KCND3: variants seen among roughly 807,000 people sequenced by gnomAD.
KCND3 encodes A-type voltage-gated potassium channel KCND3.
A neutral mutation model predicts 51.1 loss-of-function variants in KCND3; 9 were observed. The observed-to-expected ratio is 0.18, with a 90% CI of 0.11 to 0.31. KCND3 has a LOEUF of 0.31. Ranked by LOEUF, KCND3 falls within the 10% of genes least tolerant of loss-of-function variation. The pLI is 1.00. For synonymous variants in KCND3, 349 were observed against 368.0 expected (o/e 0.95, Z 0.59); for missense variants, 526 against 903.8 (o/e 0.58, Z 5.36).
At chr1:111,932,432 G>A (rs139328977) in intron 2 of KCND3, among the ~76,000 whole-genome samples, 50 of 152,284 alleles carry the variant, frequency 3.3e-4, no homozygotes, top group African/African-American at 1.2e-3. Context: ...GTGGCATTAA[G>A]TGCATTCACA....
chr1:111,888,580 G>C (rs1201563273), intron 2 of KCND3, among the ~76,000 whole-genome samples: 1 of 151,704 alleles, frequency 6.6e-6, no homozygotes, highest in Non-Finnish European at 1.5e-5. Flanking sequence ...TACTCGGGAG[G>C]CTGAGGAAGG....
chr1:111,859,203 G>A (rs1668226132), intron 2 of KCND3, among the ~76,000 whole-genome samples: 1 of 152,232 alleles, frequency 6.6e-6, no homozygotes, highest in African/African-American at 2.4e-5. Flanking sequence ...CTATGTGTCA[G>A]GCTCCTGCTG....
At chr1:111,940,098 T>G (rs1672439131) in intron 2 of KCND3, among the ~76,000 whole-genome samples, 2 of 131,308 alleles carry the variant, frequency 1.5e-5, no homozygotes, top group South Asian at 2.4e-4. Context: ...TTTTTTTTTG[T>G]AAGTTCCTTG....
At chr1:111,851,696 ATTC>A (rs1056020296) in intron 2 of KCND3, among the ~76,000 whole-genome samples, 1 of 152,184 alleles carries the variant, frequency 6.6e-6, no homozygotes. Context: ...CCTGTTCCTC[ATTC>A]TTCTTGTATT....
intron 2 of KCND3, among the ~76,000 whole-genome samples, chr1:111,968,459 C>T (rs560226049): frequency 1.2e-4 from 19 of 152,316 alleles, no homozygotes; most frequent in East Asian, 1.9e-4. Context: ...ACAGCTACAA[C>T]GTCAGAAGAG....
chr1:111,982,214 C>A lies in KCND3; in HGVS notation c.513G>T (p.Arg171=). 6.2e-7 allele frequency: 1 copy of A among 1,614,042 alleles called. No homozygotes were observed. The highest frequency in any genetic ancestry group is 1.1e-5 in the South Asian group (1 of 91,076). ...TGCTGGTGTGGGGGTTCTCGAAGGC[C>A]CGCCACATGGTCTGGCGGAAGCTGA... ...PSLSFRQTMW[R]AFENPHTSTL... is the part of the protein sequence containing the mutation. Residue 171 remains arginine (R), a synonymous_variant, in exon 2 of 8, where the codon CGG becomes CGT. Coordinates refer to ENST00000302127, the MANE Select transcript of KCND3 (RefSeq NM_001378969.1). The surrounding 1 kb of genome is among the most constrained non-coding windows in gnomAD (Gnocchi z 8.5).
At chr1:111,909,880 G>A (rs182536741) in intron 2 of KCND3, 17 of 152,216 alleles carry the variant, frequency 1.1e-4, no homozygotes, top group Admixed American at 3.3e-4. Context: ...GCATGCCCAC[G>A]TGCCCACCTC....
chr1:111,799,810 C>A (rs535440298), intron 2 of KCND3, among the ~76,000 whole-genome samples: 5 of 152,162 alleles, frequency 3.3e-5, no homozygotes, highest in Non-Finnish European at 4.4e-5. Context: ...TAAAACGAGA[C>A]GGAGATGGAA....
At chr1:111,885,863 G>A (rs1669548381) in intron 2 of KCND3, among the ~76,000 whole-genome samples, 1 of 151,960 alleles carries the variant, frequency 6.6e-6, no homozygotes, top group Non-Finnish European at 1.5e-5. Flanking sequence ...AGTAGAGATG[G>A]GGTTTCACCA....
intron 2 of KCND3, among the ~76,000 whole-genome samples, chr1:111,979,637 C>T (rs1674830128): frequency 6.6e-6 from 1 of 152,166 alleles, no homozygotes; most frequent in African/African-American, 2.4e-5. Flanking sequence ...ATTAGTTCTG[C>T]TCCTTATCAG....
At chr1:111,846,897 C>T (rs752852617) in intron 2 of KCND3, among the ~76,000 whole-genome samples, 2 of 152,184 alleles carry the variant, frequency 1.3e-5, no homozygotes, top group Non-Finnish European at 2.9e-5. Context: ...GGTTTGAACG[C>T]AGGCCTCTAA....
chr1:111,980,051 AGAC>A (rs1674857773), intron 2 of KCND3, among the ~76,000 whole-genome samples: 1 of 152,274 alleles, frequency 6.6e-6, no homozygotes, highest in African/African-American at 2.4e-5. Context: ...AAAGGGATAA[AGAC>A]GACCTCTTGA....
At chr1:111,899,516 T>G (rs1670282858) in intron 2 of KCND3, among the ~76,000 whole-genome samples, 1 of 152,200 alleles carries the variant, frequency 6.6e-6, no homozygotes, top group African/African-American at 2.4e-5. Context: ...CAGAAAGGCC[T>G]CCTAAGATCA....
intron 2 of KCND3, among the ~76,000 whole-genome samples, chr1:111,865,484 C>T (rs1021181807): frequency 2.0e-5 from 3 of 152,184 alleles, no homozygotes; most frequent in Non-Finnish European, 2.9e-5. Context: ...AGGGACATGT[C>T]CCACCAGAAT....
chr1:111,902,214 G>A (rs1670421047), intron 2 of KCND3, among the ~76,000 whole-genome samples: 1 of 152,294 alleles, frequency 6.6e-6, no homozygotes, highest in Admixed American at 6.5e-5. Context: ...CCAGGCCTCT[G>A]GGGAGCTAAT....
intron 2 of KCND3, among the ~76,000 whole-genome samples, chr1:111,925,807 G>A (rs1321966236): frequency 6.6e-6 from 1 of 152,032 alleles, no homozygotes; most frequent in Non-Finnish European, 1.5e-5. Flanking sequence ...TGGCTCTGAT[G>A]TAACTCGAAA....
At chr1:111,839,392 G>A (rs1479864539) in intron 2 of KCND3, among the ~76,000 whole-genome samples, 1 of 152,236 alleles carries the variant, frequency 6.6e-6, no homozygotes, top group African/African-American at 2.4e-5. Context: ...AGGTAGGTAT[G>A]TTGTATTCCT....
At chr1:111,988,526 G>T (rs1358937393) in intron 1 of KCND3, among the ~76,000 whole-genome samples, 1 of 152,114 alleles carries the variant, frequency 6.6e-6, no homozygotes, top group Non-Finnish European at 1.5e-5. Context: ...GTCCACATGG[G>T]GAAATGTACA....
intron 2 of KCND3, among the ~76,000 whole-genome samples, chr1:111,841,813 C>T (rs1025312785): frequency 1.3e-5 from 2 of 152,172 alleles, no homozygotes; most frequent in African/African-American, 4.8e-5. Context: ...CTTACATTCA[C>T]TTTAATGTCT....
Sources: gnomAD v4.1 joint callset for allele counts (sites outside exome capture counted in the v4.1 genomes callset) on GRCh38, gnomAD v4.1.1 for gene constraint, Gnocchi (gnomAD v3.1) non-coding constraint, MANE v1.5 for transcripts, NCBI Gene and HGNC (gene_info 2026-07-23, HGNC 2026-07-21) for gene names.